PCDH15: variants seen among roughly 807,000 people sequenced by gnomAD.
PCDH15 encodes the protein protocadherin related 15.
Under a neutral mutation model 178.5 loss-of-function variants are expected in PCDH15, and 129 were observed. The ratio of observed to expected loss-of-function variants is 0.72; its 90% CI spans 0.63 to 0.84. PCDH15 has a LOEUF of 0.84. Ranked by LOEUF, PCDH15 falls within the 40% of genes least tolerant of loss-of-function variation. PCDH15 has a pLI of 0.00. For synonymous variants in PCDH15, 800 were observed against 732.0 expected, an observed-to-expected ratio of 1.09 and a Z score of -1.50; for missense variants, 2,230 against 2,099.9, an observed-to-expected ratio of 1.06 and a Z score of -1.21.
At chr10:54,626,825 G>A (rs1052193044) in intron 2 of PCDH15, among the ~76,000 whole-genome samples, 1 of 152,120 alleles carries the variant, frequency 6.6e-6, no homozygotes, top group African/African-American at 2.4e-5. Context: ...AGTTCACCTG[G>A]AAAAGCTGCA....
At chr10:53,859,268 A>G (rs928853513) in intron 27 of PCDH15, among the ~76,000 whole-genome samples, 11 of 152,144 alleles carry the variant, frequency 7.2e-5, no homozygotes, top group Admixed American at 6.6e-5. Context: ...ACTAGTGCTG[A>G]AGCACTTCCT....
Position 54,027,180 on chromosome 10 carries a change from C to T in PCDH15, c.2221-3983G>A, listed in dbSNP as rs565244285. Among the ~76,000 whole-genome samples, 816 of 148,112 alleles carry T rather than the reference C, an allele frequency of 5.5e-3. 6 individuals are homozygous for T. The highest frequency in any genetic ancestry group is 0.02 in the African/African-American group (768 of 39,044). On this transcript the variant is annotated intron_variant, in intron 18 of 37. Coordinates refer to ENST00000644397, the MANE Select transcript of PCDH15 (RefSeq NM_001384140.1). The stretch of plus-strand genomic sequence containing the variant: ...CAGAGAGCCAAATCATGAGTGAACT[C>T]CCATTCACAATTGCTTCAAAGAGGA...
At chr10:54,056,971 G>A (rs12257312) in intron 18 of PCDH15, among the ~76,000 whole-genome samples, 31,745 of 152,092 alleles carry the variant, frequency 0.21, 3,502 homozygotes, top group Non-Finnish European at 0.23. Flanking sequence ...GTCAAATCAT[G>A]AAGCTCCAAA....
intron 15 of PCDH15, among the ~76,000 whole-genome samples, chr10:54,115,795 C>T (rs949440855): frequency 4.6e-5 from 7 of 152,144 alleles, no homozygotes; most frequent in African/African-American, 1.4e-4. Flanking sequence ...AAGTCTGCTT[C>T]CCAGAAAACC....
intron 8 of PCDH15, among the ~76,000 whole-genome samples, chr10:54,304,916 C>G (rs559944165): frequency 3.0e-4 from 46 of 151,532 alleles, no homozygotes; most frequent in Non-Finnish European, 3.4e-4. Flanking sequence ...AAGTGAAATT[C>G]AAGGAAATCA....
intron 30 of PCDH15, 51 bp downstream of exon 30, chr10:53,831,264 C>T (rs748468818): frequency 6.5e-7 from 1 of 1,545,104 alleles, no homozygotes. Flanking sequence ...AGATGGTTTT[C>T]TGCAATGACT....
chr10:54,079,969 T>G (rs941156593), intron 16 of PCDH15, among the ~76,000 whole-genome samples: 17 of 152,138 alleles, frequency 1.1e-4, no homozygotes, highest in African/African-American at 3.9e-4. Context: ...ATAGAATTTT[T>G]TCAAATTACA....
At chr10:55,053,356 G>A (rs1452104203) in intron 2 of PCDH15, among the ~76,000 whole-genome samples, 2 of 152,182 alleles carry the variant, frequency 1.3e-5, no homozygotes, top group Middle Eastern at 3.4e-3. Flanking sequence ...ACCCAGCACC[G>A]ACAGAAGCAG....
intron 11 of PCDH15, among the ~76,000 whole-genome samples, chr10:54,188,439 G>A (rs1163418506): frequency 6.6e-6 from 1 of 151,840 alleles, no homozygotes; most frequent in African/African-American, 2.4e-5. Context: ...ATGAATTTAA[G>A]TGTTAAATCA....
At chr10:54,927,846 G>A (rs1837672482) in intron 2 of PCDH15, among the ~76,000 whole-genome samples, 1 of 151,986 alleles carries the variant, frequency 6.6e-6, no homozygotes, top group South Asian at 2.1e-4. Context: ...TAAGAGATGG[G>A]TCTCTTGAAC....
At chr10:55,598,551 T>G (rs1438285827) in intron 2 of PCDH15, among the ~76,000 whole-genome samples, 10 of 64,908 alleles carry the variant, frequency 1.5e-4, no homozygotes, top group African/African-American at 4.5e-4. Flanking sequence ...TATATATATA[T>G]ATATATATAT....
chr10:54,429,160 G>T (rs1956655046), intron 3 of PCDH15, among the ~76,000 whole-genome samples: 1 of 152,094 alleles, frequency 6.6e-6, no homozygotes, highest in South Asian at 2.1e-4. Context: ...TCAAGAGAAA[G>T]AGCAATAAGT....
intron 23 of PCDH15, among the ~76,000 whole-genome samples, chr10:53,943,260 G>A (rs571108754): frequency 1.2e-4 from 18 of 152,044 alleles, no homozygotes; most frequent in African/African-American, 3.9e-4. Flanking sequence ...AGGCTGAGCC[G>A]GGTGAATCCC....
chr10:54,751,481 A>G (rs1432288872), intron 1 of PCDH15, among the ~76,000 whole-genome samples: 1 of 152,200 alleles, frequency 6.6e-6, no homozygotes, highest in Non-Finnish European at 1.5e-5. Flanking sequence ...TCAAATACTC[A>G]AGAGTAATCT....
intron 2 of PCDH15, among the ~76,000 whole-genome samples, chr10:54,533,411 C>T (rs2084135001): frequency 6.6e-6 from 1 of 151,436 alleles, no homozygotes; most frequent in South Asian, 2.1e-4. Flanking sequence ...GATAATTCTG[C>T]AAGAATTTGA....
At chr10:54,719,048 C>T (rs2891535) in intron 1 of PCDH15, among the ~76,000 whole-genome samples, 86,502 of 151,066 alleles carry the variant, frequency 0.57, 26,255 homozygotes, top group Middle Eastern at 0.72. Context: ...TGAAATACCC[C>T]ATGAAAAATT....
At chr10:55,293,415 C>T (rs1203781926) in intron 1 of PCDH15, among the ~76,000 whole-genome samples, 2 of 152,188 alleles carry the variant, frequency 1.3e-5, no homozygotes, top group East Asian at 1.9e-4. Context: ...CATTCAACTC[C>T]GTCTTACTTA....
intron 3 of PCDH15, among the ~76,000 whole-genome samples, chr10:54,824,924 C>T (rs1953100715): frequency 6.6e-6 from 1 of 151,794 alleles, no homozygotes; most frequent in Admixed American, 6.6e-5. Context: ...GCACAATGTG[C>T]AGGTTAGTTA....
chr10:54,064,819 G>C (rs927678121), intron 18 of PCDH15, among the ~76,000 whole-genome samples: 3 of 152,188 alleles, frequency 2.0e-5, no homozygotes, highest in African/African-American at 7.2e-5. Flanking sequence ...TGTGGGGGCA[G>C]GGGAGCTTCC....
Sources: allele counts gnomAD v4.1 joint callset (sites outside exome capture counted in the v4.1 genomes callset), GRCh38; gene constraint gnomAD v4.1.1; transcripts MANE v1.5; gene names NCBI Gene and HGNC (gene_info 2026-07-23, HGNC 2026-07-21).